DNM3: variants seen among roughly 807,000 people sequenced by gnomAD.
DNM3 encodes dynamin 3.
Under a neutral mutation model 101.6 loss-of-function variants are expected in DNM3, and 47 were observed. The observed-to-expected ratio is 0.46, with a 90% CI of 0.37 to 0.59. DNM3 has a LOEUF of 0.59. Ranked by LOEUF, DNM3 falls within the 20% of genes least tolerant of loss-of-function variation. The pLI, the probability that DNM3 is intolerant of heterozygous loss-of-function variation, is 0.00. For missense variants in DNM3, 849 were observed against 1,085.7 expected (o/e 0.78, Z 3.06); for synonymous variants, 385 against 387.9 (o/e 0.99, Z 0.09).
At chr1:172,278,734 C>T in intron 15 of DNM3, among the ~76,000 whole-genome samples, 1 of 152,156 alleles carries the variant, frequency 6.6e-6, no homozygotes, top group East Asian at 1.9e-4. Flanking sequence ...GCCAGTGTCT[C>T]ATTGTACCAT....
chr1:172,048,446 G>A (rs1476141671), intron 9 of DNM3, among the ~76,000 whole-genome samples, 166 bp from the exon 10 acceptor site: 1 of 152,062 alleles, frequency 6.6e-6, no homozygotes, highest in East Asian at 1.9e-4. Flanking sequence ...ATTAGTTAAA[G>A]GTCACATGAT....
intron 10 of DNM3, among the ~76,000 whole-genome samples, chr1:172,057,804 A>G (rs2050772448): frequency 6.6e-6 from 1 of 151,418 alleles, no homozygotes; most frequent in African/African-American, 2.4e-5. Flanking sequence ...CAAAATAACC[A>G]GCTATCATCA....
At chr1:171,974,383 A>C (rs1049337124) in intron 2 of DNM3, among the ~76,000 whole-genome samples, 4 of 152,034 alleles carry the variant, frequency 2.6e-5, no homozygotes, top group Non-Finnish European at 5.9e-5. Flanking sequence ...CCACTCCCAT[A>C]ATTTTATCTA....
intron 1 of DNM3, among the ~76,000 whole-genome samples, chr1:171,883,366 CACACACA>C (rs758290463): frequency 3.0e-4 from 1 of 3,364 alleles, no homozygotes; most frequent in Non-Finnish European, 7.1e-4. Flanking sequence ...AAAAGGACCA[CACACACA>C]CACACACACA....
intron 4 of DNM3, among the ~76,000 whole-genome samples, chr1:172,012,109 A>G (rs2047167565): frequency 6.6e-6 from 1 of 152,082 alleles, no homozygotes; most frequent in African/African-American, 2.4e-5. Context: ...GTTTCTGCTA[A>G]TAACACCACA....
intron 4 of DNM3, among the ~76,000 whole-genome samples, chr1:172,020,522 T>C (rs1218977101): frequency 1.3e-5 from 2 of 151,566 alleles, no homozygotes; most frequent in Admixed American, 6.6e-5. Context: ...AGATGGAGAC[T>C]ATACTGGCTA....
chr1:172,265,471 C>A (rs1384609999), intron 15 of DNM3, among the ~76,000 whole-genome samples: 2 of 152,142 alleles, frequency 1.3e-5, no homozygotes, highest in African/African-American at 4.8e-5. Context: ...ATTCCTGAGC[C>A]TTCCTCTGGC....
intron 13 of DNM3, among the ~76,000 whole-genome samples, chr1:172,110,263 C>T (rs2055367229): frequency 6.6e-6 from 1 of 152,116 alleles, no homozygotes; most frequent in African/African-American, 2.4e-5. Context: ...TTAAATAGCA[C>T]TTTCTTAGGA....
intron 10 of DNM3, among the ~76,000 whole-genome samples, chr1:172,066,847 T>A (rs541783314): frequency 1.3e-5 from 2 of 152,304 alleles, no homozygotes; most frequent in South Asian, 2.1e-4. Context: ...AGTTTGTTTA[T>A]CTTATTGTTG....
intron 17 of DNM3, among the ~76,000 whole-genome samples, chr1:172,324,586 A>G (rs2065865223): frequency 6.6e-6 from 1 of 152,202 alleles, no homozygotes; most frequent in Non-Finnish European, 1.5e-5. Flanking sequence ...ATTTTTAAAA[A>G]CAGCAGGTAA....
At chr1:172,019,207 T>G (rs948970456) in intron 4 of DNM3, among the ~76,000 whole-genome samples, 2 of 151,710 alleles carry the variant, frequency 1.3e-5, no homozygotes, top group African/African-American at 4.8e-5. Flanking sequence ...TCCTTTCTTT[T>G]TTCTTTTCTT....
At chr1:172,342,169 AT>A (rs2148961170) in intron 17 of DNM3, among the ~76,000 whole-genome samples, 1 of 152,320 alleles carries the variant, frequency 6.6e-6, no homozygotes, top group South Asian at 2.1e-4. Flanking sequence ...GGGAATGTAA[AT>A]TAGTTCAACC....
chr1:172,060,150 G>T (rs2051049881), intron 10 of DNM3, among the ~76,000 whole-genome samples: 1 of 145,188 alleles, frequency 6.9e-6, no homozygotes, highest in East Asian at 2.1e-4. Flanking sequence ...GGATGTGAAG[G>T]ACCTCTTCAA....
chr1:172,188,486 T>A (rs1363151450), intron 14 of DNM3, among the ~76,000 whole-genome samples: 2 of 152,076 alleles, frequency 1.3e-5, no homozygotes, highest in Admixed American at 6.6e-5. Context: ...TCTTCTTTTT[T>A]AAAAATCTGC....
chr1:171,908,593 T>C (rs766628481), intron 1 of DNM3, among the ~76,000 whole-genome samples: 1 of 152,108 alleles, frequency 6.6e-6, no homozygotes, highest in African/African-American at 2.4e-5. Flanking sequence ...TATTAGATAC[T>C]GACAGTGAAG....
At chr1:172,325,201 G>A (rs1458233596) in intron 17 of DNM3, among the ~76,000 whole-genome samples, 17 of 151,954 alleles carry the variant, frequency 1.1e-4, no homozygotes, top group Admixed American at 8.5e-4. Flanking sequence ...TTAAAATTAC[G>A]GCTCATTAAG....
intron 14 of DNM3, chr1:172,140,193 T>A (rs928006296): frequency 2.0e-5 from 3 of 152,082 alleles, no homozygotes; most frequent in African/African-American, 7.2e-5. Context: ...TCTGGACTTT[T>A]ATGCAGTGAT....
chr1:172,388,636 C>T lies in DNM3; in HGVS notation c.2349C>T (p.Pro783=). The T allele has an allele frequency of 6.2e-7, 1 of 1,614,010 alleles. No homozygotes were observed. Among genetic ancestry groups the T allele is most frequent in the South Asian group, 1.1e-5 (1 of 91,084 alleles). Residue 783 remains proline, a synonymous_variant, in exon 20 of 21, where the codon CCC becomes CCT. Transcript: ENST00000627582. ...RPTLSAPLAR[P]TSGRGPAPAI... is the part of the protein sequence containing the mutation. ...CACTAAGTGCTCCCCTCGCAAGGCCCACATCCGGCCGAGGACCAGCTCCTG... is the reference window on the plus strand; with the variant it reads ...CACTAAGTGCTCCCCTCGCAAGGCCTACATCCGGCCGAGGACCAGCTCCTG...
At chr1:172,342,592 A>C (rs1212107683) in intron 17 of DNM3, among the ~76,000 whole-genome samples, 1 of 152,144 alleles carries the variant, frequency 6.6e-6, no homozygotes, top group Admixed American at 6.5e-5. Context: ...AACAACAGAC[A>C]CTGGGGCCTA....
Sources: gnomAD v4.1 joint callset for allele counts (sites outside exome capture counted in the v4.1 genomes callset) on GRCh38, gnomAD v4.1.1 for gene constraint, MANE v1.5 for transcripts, NCBI Gene and HGNC (gene_info 2026-07-23, HGNC 2026-07-21) for gene names.